Variants in ITPRID1 observed in about 807,000 individuals in gnomAD.
ITPRID1 encodes the protein ITPR interacting domain containing 1.
In ITPRID1, 96 loss-of-function variants were observed where a neutral mutation model predicts 95.4. That is an observed-to-expected ratio of 1.01 (90% CI 0.85 to 1.19). The LOEUF is 1.19. ITPRID1 is among the 50% of genes most tolerant of loss of function. The pLI, the probability that ITPRID1 is intolerant of heterozygous loss-of-function variation, is 0.00. For synonymous variants in ITPRID1, 510 were observed against 453.6 expected (o/e 1.12, Z -1.58); for missense variants, 1,339 against 1,252.9 (o/e 1.07, Z -1.04).
At chr7:31,637,764 G>A (rs1789630884) in intron 10 of ITPRID1, among the ~76,000 whole-genome samples, 1 of 152,092 alleles carries the variant, frequency 6.6e-6, no homozygotes. Context: ...GTCAATTTTG[G>A]CTTTTGTTGC....
At chr7:31,550,235 T>C (rs66502083) in intron 2 of ITPRID1, among the ~76,000 whole-genome samples, 33,680 of 149,990 alleles carry the variant, frequency 0.22, 3,939 homozygotes, top group East Asian at 0.33. Flanking sequence ...TGATACTATA[T>C]GCAATTTCCC....
chr7:31,648,496 C>T (rs533466903), intron 12 of ITPRID1, among the ~76,000 whole-genome samples: 14 of 152,110 alleles, frequency 9.2e-5, no homozygotes, highest in Admixed American at 2.6e-4. Context: ...AAGATGGCAG[C>T]ATTTCAGAAT....
chr7:31,525,096 G>T (rs1783381899), intron 1 of ITPRID1, among the ~76,000 whole-genome samples: 3 of 152,080 alleles, frequency 2.0e-5, no homozygotes. Context: ...AAGTTTACAG[G>T]CCATTTATCA....
intron 10 of ITPRID1, among the ~76,000 whole-genome samples, chr7:31,586,040 T>C (rs112123818): frequency 0.098 from 13,915 of 142,442 alleles, 745 homozygotes; most frequent in African/African-American, 0.12. Flanking sequence ...CTTCCTGTGT[T>C]CATGTGATCT....
chr7:31,652,493 CT>C (rs766942956), intron 14 of ITPRID1, 24 bp from the exon 15 acceptor site: 3 of 1,561,016 alleles, frequency 1.9e-6, no homozygotes, highest in Non-Finnish European at 2.6e-6. Context: ...GCTGTTTACT[CT>C]TTTTCCTCTT....
intron 10 of ITPRID1, among the ~76,000 whole-genome samples, chr7:31,629,237 A>G (rs537696118): frequency 2.0e-5 from 3 of 152,210 alleles, no homozygotes; most frequent in African/African-American, 7.2e-5. Flanking sequence ...AGGAATATCT[A>G]CTAAGTATCT....
chr7:31,627,178 G>T (rs545331836), intron 10 of ITPRID1, among the ~76,000 whole-genome samples: 6 of 152,124 alleles, frequency 3.9e-5, no homozygotes, highest in Non-Finnish European at 8.8e-5. Context: ...AGTATTCCCC[G>T]TTGTCCATGC....
chr7:31,626,045 G>T (rs974112205), intron 10 of ITPRID1, among the ~76,000 whole-genome samples: 26 of 152,206 alleles, frequency 1.7e-4, no homozygotes, highest in Admixed American at 5.2e-4. Flanking sequence ...GTGTTAAAAG[G>T]ATTCCAAGTT....
At chr7:31,652,434 A>T in intron 14 of ITPRID1, 84 bp from the exon 15 acceptor site, 1 of 1,487,246 alleles carries the variant, frequency 6.7e-7, no homozygotes, top group Non-Finnish European at 9.0e-7. Context: ...ACCACCTCAT[A>T]ATGCCTAGCT....
At position 31,651,209 on chromosome 7, in the gene ITPRID1, T is replaced by G. The variant is rs1790915754; in HGVS notation, c.2651T>G (p.Ile884Ser). Reference sequence around the variant, plus strand: ...AGTTTCCGGGAGTATTTAGAAGAAATTGAACAGCACCTTATGGGACAGCAG... The same window carrying G: ...AGTTTCCGGGAGTATTTAGAAGAAAGTGAACAGCACCTTATGGGACAGCAG... ...CQSFREYLEE[I>S]EQHLMGQQAL... Residue 884 changes from isoleucine to serine, a missense_variant, in exon 13 of 15, where the codon ATT (isoleucine) becomes AGT (serine). Physicochemically the swap from Ile to Ser is moderately radical, Grantham distance 142. Coordinates refer to ENST00000615280, the MANE Select transcript of ITPRID1 (RefSeq NM_001257967.3). 6.2e-7 allele frequency: 1 copy of G among 1,613,612 alleles called. No homozygotes were observed. The highest frequency in any genetic ancestry group is 8.5e-7 in the Non-Finnish European group (1 of 1,179,672).
At chr7:31,651,045 A>G (rs1209817581) in intron 12 of ITPRID1, 97 bp from the exon 13 acceptor site, 1 of 1,429,566 alleles carries the variant, frequency 7.0e-7, no homozygotes, top group Non-Finnish European at 9.4e-7. Context: ...TGTTTGCGAA[A>G]AAAGGGATCC....
intron 1 of ITPRID1, among the ~76,000 whole-genome samples, chr7:31,528,466 C>T (rs1253363978): frequency 6.6e-6 from 1 of 152,164 alleles, no homozygotes; most frequent in Non-Finnish European, 1.5e-5. Flanking sequence ...TTGTGGTCTT[C>T]TCAGGGCTGA....
In ITPRID1 at chr7:31,607,952, A is replaced by AT. The variant is rs373266169; in HGVS notation, c.1228+24770dup. 4.6e-3 allele frequency among the ~76,000 whole-genome samples: 686 copies of AT among 150,140 alleles called. 5 individuals carry two copies. The highest frequency in any genetic ancestry group is 0.021 in the South Asian group (100 of 4,752). ...AGAATGTTTTCTCCCATAGCATCCT[A>AT]TTTTTTTTTGTCATGGTTGCAATGC... On this transcript the variant is annotated intron_variant, in intron 10 of 14. Transcript: ENST00000615280.
At chr7:31,638,833 G>C (rs1789731460) in intron 10 of ITPRID1, among the ~76,000 whole-genome samples, 1 of 152,126 alleles carries the variant, frequency 6.6e-6, no homozygotes, top group Non-Finnish European at 1.5e-5. Context: ...CTGGAGTGGA[G>C]TGACCCAATC....
chr7:31,646,106 C>T (rs1043470338), intron 12 of ITPRID1, among the ~76,000 whole-genome samples: 2 of 152,092 alleles, frequency 1.3e-5, no homozygotes, highest in African/African-American at 4.8e-5. Flanking sequence ...TTCTAATTTA[C>T]GTTTAAGACA....
intron 1 of ITPRID1, chr7:31,518,315 C>T (rs1011711604): frequency 6.6e-6 from 1 of 152,232 alleles, no homozygotes; most frequent in Admixed American, 6.5e-5. Context: ...AATTTTTAGA[C>T]TTCTGACTTC....
chr7:31,563,216 G>A (rs958698872), intron 5 of ITPRID1, among the ~76,000 whole-genome samples: 1 of 152,174 alleles, frequency 6.6e-6, no homozygotes, highest in South Asian at 2.1e-4. Flanking sequence ...TTAATTTGCT[G>A]GAAGCAATAG....
chr7:31,601,629 G>T (rs1196236021), intron 10 of ITPRID1, among the ~76,000 whole-genome samples: 5 of 152,154 alleles, frequency 3.3e-5, no homozygotes, highest in Non-Finnish European at 5.9e-5. Context: ...AATCTACTTT[G>T]CTGTCTCTAG....
intron 1 of ITPRID1, among the ~76,000 whole-genome samples, chr7:31,517,006 C>A (rs1431903431): frequency 6.6e-6 from 1 of 152,206 alleles, no homozygotes; most frequent in East Asian, 1.9e-4. Context: ...AGTGAAACTA[C>A]AGACCTCTAC....
Sources: allele counts gnomAD v4.1 joint callset (sites outside exome capture counted in the v4.1 genomes callset), GRCh38; gene constraint gnomAD v4.1.1; transcripts MANE v1.5; gene names NCBI Gene and HGNC (gene_info 2026-07-23, HGNC 2026-07-21).